Variants in NFILZ observed in about 807,000 individuals in gnomAD.
The protein encoded by NFILZ is NFIL3 like protein.
intron 3 of NFILZ, among the ~76,000 whole-genome samples, chr19:8,648,411 G>A (rs2042951708): frequency 1.3e-5 from 2 of 152,098 alleles, no homozygotes; most frequent in East Asian, 3.8e-4. Context: ...TTCTGGAGGC[G>A]GATGGTGGTG....
At chr19:8,667,742 C>T (rs1050829946) in intron 3 of NFILZ, among the ~76,000 whole-genome samples, 26 of 151,910 alleles carry the variant, frequency 1.7e-4, no homozygotes, top group African/African-American at 5.8e-4. Context: ...GACGAGGTTT[C>T]ACCATGTTGG....
At chr19:8,664,757 G>A (rs566554952) in intron 3 of NFILZ, among the ~76,000 whole-genome samples, 2 of 152,188 alleles carry the variant, frequency 1.3e-5, no homozygotes, top group African/African-American at 4.8e-5. Flanking sequence ...AGACTTTTGA[G>A]TCAGAGGAAA....
At position 8,656,304 on chromosome 19, in the gene NFILZ, C is replaced by CACA. The variant is rs1316552025; in HGVS notation, c.-163-18247_-163-18246insACA. Among the ~76,000 whole-genome samples the CACA allele has an allele frequency of 5.5e-3, 217 of 39,340 alleles. 11 individuals carry two copies. Among genetic ancestry groups the CACA allele is most frequent in the Middle Eastern group, 0.029 (2 of 68 alleles). 25.8% of individuals were successfully genotyped at this position (39,340 alleles called of 152,430 possible). Reference sequence around the variant, plus strand: ...CTTCTCCCCACAGCCCACCTCCTCCCGCAGCGCACCTCCTCCCTGAAGCCC... The same window carrying CACA: ...CTTCTCCCCACAGCCCACCTCCTCCCACAGCAGCGCACCTCCTCCCTGAAGCCC... On this transcript the variant is annotated intron_variant, in intron 3 of 5. Transcript: ENST00000691075.
rs960040520 is a variant in NFILZ, at chr19:8,681,027, C to T, written c.*3392C>T. On this transcript the variant is annotated 3_prime_UTR_variant, in exon 6 of 6. Transcript: ENST00000691075. ...TTGTGGGCCAAGGTGAGGACTTTGG[C>T]TTCCTTTCTGAGTGATATGGGCATG... Among the ~76,000 whole-genome samples the T allele has an allele frequency of 6.6e-6, 1 of 151,856 alleles. No homozygotes were observed. The highest frequency in any genetic ancestry group is 1.5e-5 in the Non-Finnish European group (1 of 67,996).
At chr19:8,674,031 A>T (rs879967890) in intron 3 of NFILZ, among the ~76,000 whole-genome samples, 6 of 152,146 alleles carry the variant, frequency 3.9e-5, no homozygotes, top group African/African-American at 7.2e-5. Flanking sequence ...TAGTAGAGAC[A>T]GGGTTTCACC....
intron 3 of NFILZ, among the ~76,000 whole-genome samples, chr19:8,652,920 TC>T (rs1555747842): frequency 7.1e-5 from 10 of 140,312 alleles, no homozygotes; most frequent in Non-Finnish European, 1.3e-4. Flanking sequence ...TCTCTCTCTC[TC>T]TTCTCTCTCT....
At chr19:8,653,004 C>T (rs201975503) in intron 3 of NFILZ, among the ~76,000 whole-genome samples, 6,413 of 40,940 alleles carry the variant, frequency 0.16, 519 homozygotes, top group East Asian at 0.49. Context: ...TCCTTCCTTC[C>T]TTCCTTCCTT....
intron 3 of NFILZ, among the ~76,000 whole-genome samples, chr19:8,657,213 C>G (rs1369930807): frequency 6.6e-6 from 1 of 150,912 alleles, no homozygotes; most frequent in East Asian, 2.0e-4. Context: ...GGTATGATCT[C>G]GGCTCGGCTC....
chr19:8,678,116 TCCATCCATCCC>T lies in NFILZ; in HGVS notation c.*482_*492del, dbSNP rs2043124414. On this transcript the variant is annotated 3_prime_UTR_variant, in exon 6 of 6. Transcript: ENST00000691075. ...TTCCATCCATCCATCCATCCATCCA[TCCATCCATCCC>T]TCCATCCATTCATCCACTTGTCCGT... Among the ~76,000 whole-genome samples the T allele has an allele frequency of 2.0e-5, 2 of 102,190 alleles. No homozygotes were observed. Among genetic ancestry groups the T allele is most frequent in the Non-Finnish European group, 4.0e-5 (2 of 49,486 alleles). The allele number at this position is 102,190 out of a possible 152,430, so 67.0% of individuals were successfully genotyped here. A position where few individuals can be genotyped will look rare whatever the true frequency, so the allele number is the denominator to read the frequency against.
intron 3 of NFILZ, among the ~76,000 whole-genome samples, chr19:8,654,528 T>C (rs2042983658): frequency 6.6e-6 from 1 of 151,722 alleles, no homozygotes; most frequent in Admixed American, 6.6e-5. Flanking sequence ...GGTGGGAAGA[T>C]CACTTGAGCC....
At chr19:8,663,436 C>A (rs1467282941) in intron 3 of NFILZ, among the ~76,000 whole-genome samples, 1 of 103,820 alleles carries the variant, frequency 9.6e-6, no homozygotes, top group Non-Finnish European at 2.0e-5. Context: ...GGAGGGGGAG[C>A]TGGTGGTGGG....
chr19:8,678,070 A>ACTTG lies in NFILZ; in HGVS notation c.*435_*436insCTTG, dbSNP rs2043121833. Reference sequence around the variant, plus strand: ...CATCCATCCACCCATCTATTCATCCATCCATCAATCCATCCATCCATTCCA... The same window carrying ACTTG: ...CATCCATCCACCCATCTATTCATCCACTTGTCCATCAATCCATCCATCCATTCCA... On this transcript the variant is annotated 3_prime_UTR_variant, in exon 6 of 6. Transcript: ENST00000691075. Among the ~76,000 whole-genome samples, 10 of 3,724 alleles carry ACTTG rather than the reference A, an allele frequency of 2.7e-3. No individual in the cohort carries two copies. Among genetic ancestry groups the ACTTG allele is most frequent in the East Asian group, 8.1e-3 (1 of 124 alleles). The allele number at this position is 3,724 out of a possible 152,430, so 2.4% of individuals were successfully genotyped here.
intron 3 of NFILZ, among the ~76,000 whole-genome samples, chr19:8,643,438 G>C (rs782379475): frequency 2.1e-4 from 32 of 152,154 alleles, no homozygotes; most frequent in Non-Finnish European, 3.4e-4. Flanking sequence ...CCAGATATCT[G>C]GGTTAAACAT....
intron 1 of NFILZ, among the ~76,000 whole-genome samples, chr19:8,631,949 A>C (rs936652988): frequency 1.3e-5 from 2 of 151,454 alleles, no homozygotes; most frequent in Non-Finnish European, 2.9e-5. Context: ...AGCTCACTGC[A>C]ACCTCTGCCT....
chr19:8,677,752 T>C lies in NFILZ; in HGVS notation c.*117T>C, dbSNP rs2043117856. Among the ~76,000 whole-genome samples, 4 of 152,030 alleles carry C rather than the reference T, an allele frequency of 2.6e-5. No homozygotes were observed. On this transcript the variant is annotated 3_prime_UTR_variant, in exon 6 of 6. Coordinates refer to ENST00000691075, the MANE Select transcript of NFILZ (RefSeq NM_001378600.1). ...GCAATCTGGGAAGGCCTGTAGGAAG[T>C]AGGGGTGCCCTGGCTTGGAAGGTCC...
At chr19:8,675,966 G>T (rs2043108312) in intron 4 of NFILZ, among the ~76,000 whole-genome samples, 1 of 152,104 alleles carries the variant, frequency 6.6e-6, no homozygotes, top group African/African-American at 2.4e-5. Context: ...GGCACAATGT[G>T]ATTTAAAAAA....
chr19:8,654,690 G>A (rs1555748147), intron 3 of NFILZ, among the ~76,000 whole-genome samples: 1 of 152,160 alleles, frequency 6.6e-6, no homozygotes, highest in East Asian at 1.9e-4. Context: ...AATATCTGTT[G>A]AATCAACCAA....
chr19:8,656,364 CA>C lies in NFILZ; in HGVS notation c.-163-18186del, dbSNP rs1361105181. Among the ~76,000 whole-genome samples the C allele has an allele frequency of 9.6e-4, 141 of 146,526 alleles. 4 individuals carry two copies. Among genetic ancestry groups the C allele is most frequent in the African/African-American group, 2.8e-3 (105 of 37,610 alleles). ...TGAAGCCCACCTCTTCCCTGAAGCC[CA>C]CCTTCTCCCTGAAGCCCACCTTCTC... On this transcript the variant is annotated intron_variant, in intron 3 of 5. Transcript: ENST00000691075.
At position 8,680,373 on chromosome 19, in the gene NFILZ, T is replaced by C. The variant is rs1390210905; in HGVS notation, c.*2738T>C. Among the ~76,000 whole-genome samples the C allele has an allele frequency of 6.6e-6, 1 of 151,376 alleles. No individual in the cohort carries two copies. The highest frequency in any genetic ancestry group is 2.0e-4 in the East Asian group (1 of 5,026). On this transcript the variant is annotated 3_prime_UTR_variant, in exon 6 of 6. Coordinates refer to ENST00000691075, the MANE Select transcript of NFILZ (RefSeq NM_001378600.1). ...TTTAGCAAATTTTCTTGATCATAAG[T>C]TTCTCATTGTTTCATTTTATTCAAG...
Sources: gnomAD v4.1 joint callset for allele counts (sites outside exome capture counted in the v4.1 genomes callset) on GRCh38, gnomAD v4.1.1 for gene constraint, MANE v1.5 for transcripts, NCBI Gene and HGNC (gene_info 2026-07-23, HGNC 2026-07-21) for gene names.